Variants in TAP1 observed in about 807,000 individuals in gnomAD.
TAP1 encodes antigen peptide transporter 1.
In TAP1, 56 loss-of-function variants were observed where a neutral mutation model predicts 79.3. The ratio of observed to expected loss-of-function variants is 0.71; its 90% CI spans 0.57 to 0.88. TAP1 has a LOEUF of 0.88. TAP1 is among the 40% of genes least tolerant of loss of function. TAP1 has a pLI of 0.00. For synonymous variants in TAP1, 355 were observed against 401.4 expected, an observed-to-expected ratio of 0.88 and a Z score of 1.38; for missense variants, 737 against 936.3, an observed-to-expected ratio of 0.79 and a Z score of 2.78.
rs749861312 is a variant in TAP1, at chr6:32,847,568, T to G, written c.1848A>C (p.Ala616=). ...KPTMEEITAA[A]VKSGAHSFIS... is the part of the protein sequence containing the mutation. Reference sequence around the variant, plus strand: ...TGAAACTATGGGCCCCAGACTTTACTGCAGCAGCTGTGATTTCCTCCATAG... The same window carrying G: ...TGAAACTATGGGCCCCAGACTTTACGGCAGCAGCTGTGATTTCCTCCATAG... The change falls in exon 9 of 11, where the codon GCA becomes GCC. Residue 616 remains alanine (A), a synonymous_variant. Transcript: ENST00000354258. This position sits in a 1 kb window ranked among gnomAD's most constrained non-coding sequence, Gnocchi z 4.7. 1 of 1,614,064 alleles carries G rather than the reference T, an allele frequency of 6.2e-7. No homozygotes were observed. Among genetic ancestry groups the G allele is most frequent in the Non-Finnish European group, 8.5e-7 (1 of 1,180,024 alleles).
In TAP1 at chr6:32,851,064, C is replaced by G. The variant is rs776489452; in HGVS notation, c.930G>C (p.Leu310=). The G allele has an allele frequency of 1.9e-6, 3 of 1,612,998 alleles. No individual in the cohort carries two copies. The change falls in exon 4 of 11, where the codon CTG becomes CTC. Residue 310 remains leucine (L), a synonymous_variant. Transcript: ENST00000354258. The surrounding 1 kb of genome is among the most constrained non-coding windows in gnomAD (Gnocchi z 4.8). Reference sequence around the variant, plus strand: ...TCCCCAAGAGACATAGGCCTCGCACCAGGTACCACAGAAATAAGCTCAGAT... The same window carrying G: ...TCCCCAAGAGACATAGGCCTCGCACGAGGTACCACAGAAATAAGCTCAGAT... The part of the protein sequence containing the change: ...SENLSLFLWY[L]VRGLCLLGIM...
chr6:32,847,326 G>C lies in TAP1; in HGVS notation c.1904-122C>G. 6.6e-7 allele frequency: 1 copy of C among 1,519,140 alleles called. No individual in the cohort carries two copies. The highest frequency in any genetic ancestry group is 1.9e-5 in the Admixed American group (1 of 53,814). The allele number at this position is 1,519,140 out of a possible 1,614,324, so 94.1% of individuals were successfully genotyped here. ...CACCAAGATCTGACGGTTGTAGCTG[G>C]ATAGGGGAGATTCTGGGAAGATGAA... On this transcript the variant is annotated intron_variant, in intron 9 of 10. Transcript: ENST00000354258. The surrounding 1 kb of genome is among the most constrained non-coding windows in gnomAD (Gnocchi z 4.7).
In TAP1 at chr6:32,847,775, A is replaced by C; in HGVS notation, c.1741-100T>G. ...AATCTTTATTGAGAACATGTCACAA[A>C]ATCATACTACCTCCCTCCTGACTAC... On this transcript the variant is annotated intron_variant, in intron 8 of 10. Coordinates refer to ENST00000354258, the MANE Select transcript of TAP1 (RefSeq NM_000593.6). This position sits in a 1 kb window ranked among gnomAD's most constrained non-coding sequence, Gnocchi z 4.7. 6.4e-7 allele frequency: 1 copy of C among 1,566,818 alleles called. No individual in the cohort carries two copies. Among genetic ancestry groups the C allele is most frequent in the Non-Finnish European group, 8.8e-7 (1 of 1,139,776 alleles).
chr6:32,852,283 G>C lies in TAP1; in HGVS notation c.714-44C>G. Reference sequence around the variant, plus strand: ...AAAAGGGGATCAGGGTGTGTTCAGGGAACAGACTGAAGGTCCCAGGTATCC... The same window carrying C: ...AAAAGGGGATCAGGGTGTGTTCAGGCAACAGACTGAAGGTCCCAGGTATCC... On this transcript the variant is annotated intron_variant, in intron 2 of 10. Coordinates refer to ENST00000354258, the MANE Select transcript of TAP1 (RefSeq NM_000593.6). This position sits in a 1 kb window ranked among gnomAD's most constrained non-coding sequence, Gnocchi z 4.8. The C allele has an allele frequency of 3.1e-6, 5 of 1,612,934 alleles. No individual in the cohort carries two copies. The South Asian group carries it at 4.4e-5, about 14-fold the overall frequency.
intron 10 of TAP1, chr6:32,846,088 G>C (rs1223418286): frequency 8.3e-6 from 4 of 483,608 alleles, no homozygotes; most frequent in Non-Finnish European, 1.5e-5. Flanking sequence ...TTTTATATTC[G>C]ATTTTAAGGA....
rs765527607 is a variant in TAP1, at chr6:32,847,171, C to G, written c.1937G>C (p.Gly646Ala). 8.1e-6 allele frequency: 13 copies of G among 1,612,472 alleles called. No individual in the cohort carries two copies. Among genetic ancestry groups the G allele is most frequent in the Non-Finnish European group, 1.0e-5 (12 of 1,180,046 alleles). The change falls in exon 10 of 11, where the codon GGT (glycine) becomes GCT (alanine). Residue 646 changes from glycine (G) to alanine (A), a missense_variant. Physicochemically the swap from Gly to Ala is moderately conservative, Grantham distance 60. Coordinates refer to ENST00000354258, the MANE Select transcript of TAP1 (RefSeq NM_000593.6). This position sits in a 1 kb window ranked among gnomAD's most constrained non-coding sequence, Gnocchi z 4.7. Reference protein sequence around the residue: ...VDEAGSQLSGGQRQAVALARA... With the variant: ...VDEAGSQLSGAQRQAVALARA... Reference sequence around the variant, plus strand: ...GGCCAACGCCACTGCCTGTCGCTGACCCCCTGACAGCTGGCTCCCAGCCTC... The same window carrying G: ...GGCCAACGCCACTGCCTGTCGCTGAGCCCCTGACAGCTGGCTCCCAGCCTC...
At chr6:32,846,136 A>G (rs1469995941) in intron 10 of TAP1, 12 of 360,546 alleles carry the variant, frequency 3.3e-5, no homozygotes, top group Non-Finnish European at 5.8e-5. Context: ...CATTCAAGTC[A>G]GGCAGACCTG....
intron 10 of TAP1, among the ~76,000 whole-genome samples, chr6:32,846,681 T>A (rs1770432553): frequency 6.6e-6 from 1 of 151,846 alleles, no homozygotes; most frequent in African/African-American, 2.4e-5. Flanking sequence ...CAACCAGGCA[T>A]AGTGGTGTAC....
In TAP1 at chr6:32,850,418, C is replaced by T; in HGVS notation, c.1150G>A (p.Glu384Lys). ...MPTVRSFANE[E>K]GEAQKFREKL... is the part of the protein sequence containing the mutation. ...TCCCTAAACTTCTGGGCTTCGCCCT[C>T]CTCGTTGGCAAAGCTTCGAACTGTA... Residue 384 changes from glutamate (E) to lysine (K), a missense_variant, in exon 5 of 11, where the codon GAG becomes AAG. Around this residue, in one of 5 missense-constraint regions of TAP1, gnomAD observed 406 missense variants for 477.2 expected, o/e 0.85. Transcript: ENST00000354258. This position sits in a 1 kb window ranked among gnomAD's most constrained non-coding sequence, Gnocchi z 5.5. The T allele has an allele frequency of 6.2e-7, 1 of 1,614,268 alleles. No homozygotes were observed. Among genetic ancestry groups the T allele is most frequent in the Non-Finnish European group, 8.5e-7 (1 of 1,180,048 alleles).
chr6:32,851,928 A>T lies in TAP1; in HGVS notation c.844+181T>A, dbSNP rs199623594. ...ACAATTGTGTGTGTGTGTGTGTGAGAGAGAGAGAGAGAGAGACAGAGACAG... is the reference window on the plus strand; with the variant it reads ...ACAATTGTGTGTGTGTGTGTGTGAGTGAGAGAGAGAGAGAGACAGAGACAG... On this transcript the variant is annotated intron_variant, in intron 3 of 10. Transcript: ENST00000354258. The surrounding 1 kb of genome is among the most constrained non-coding windows in gnomAD (Gnocchi z 4.8). Among the ~76,000 whole-genome samples the T allele has an allele frequency of 2.6e-4, 34 of 131,392 alleles. No individual in the cohort carries two copies. The highest frequency in any genetic ancestry group is 4.1e-3 in the Middle Eastern group (1 of 246). The allele number at this position is 131,392 out of a possible 152,430, so 86.2% of individuals were successfully genotyped here. A position where few individuals can be genotyped will look rare whatever the true frequency, so the allele number is the denominator to read the frequency against.
At position 32,852,900 on chromosome 6, in the gene TAP1, T is replaced by C. The variant is rs1232478549; in HGVS notation, c.598+139A>G. 3.4e-6 allele frequency: 5 copies of C among 1,454,362 alleles called. No individual in the cohort carries two copies. The African/African-American group carries it at 5.7e-5, about 16-fold the overall frequency. The allele number at this position is 1,454,362 out of a possible 1,614,324, so 90.1% of individuals were successfully genotyped here. On this transcript the variant is annotated intron_variant, in intron 1 of 10. Coordinates refer to ENST00000354258, the MANE Select transcript of TAP1 (RefSeq NM_000593.6). This position sits in a 1 kb window ranked among gnomAD's most constrained non-coding sequence, Gnocchi z 4.8. ...TGCCGTTTCTTCTACACCGAAGTGG[T>C]GTTCCAAGACCCACGCTAGGAGTCC...
At chr6:32,849,262 AC>A in intron 5 of TAP1, 144 bp from the exon 6 acceptor site, 1 of 954,526 alleles carries the variant, frequency 1.0e-6, no homozygotes, top group Non-Finnish European at 1.6e-6. Context: ...AGGAGAATGA[AC>A]CAGAGACCCC....
Position 32,850,570 on chromosome 6 carries a change from A to T in TAP1, c.1051-53T>A. The T allele has an allele frequency of 6.8e-7, 1 of 1,475,738 alleles. No individual in the cohort carries two copies. The highest frequency in any genetic ancestry group is 9.4e-7 in the Non-Finnish European group (1 of 1,065,414). The allele number at this position is 1,475,738 out of a possible 1,614,324, so 91.4% of individuals were successfully genotyped here. Reference sequence around the variant, plus strand: ...CACGGGTTGGCAAACCATCAGGGACACTAATACCTGAGTTACCTATTTGGA... The same window carrying T: ...CACGGGTTGGCAAACCATCAGGGACTCTAATACCTGAGTTACCTATTTGGA... On this transcript the variant is annotated intron_variant, in intron 4 of 10. Coordinates refer to ENST00000354258, the MANE Select transcript of TAP1 (RefSeq NM_000593.6). This position sits in a 1 kb window ranked among gnomAD's most constrained non-coding sequence, Gnocchi z 5.5.
intron 7 of TAP1, 57 bp downstream of exon 7, chr6:32,848,595 T>C: frequency 6.3e-7 from 1 of 1,593,280 alleles, no homozygotes; most frequent in Non-Finnish European, 8.6e-7. Flanking sequence ...GGAAGAAAAT[T>C]TAGGATGGCA....
Position 32,848,997 on chromosome 6 carries a change from G to T in TAP1, c.1370C>A (p.Ala457Asp). The T allele has an allele frequency of 6.2e-7, 1 of 1,612,324 alleles. No homozygotes were observed. The highest frequency in any genetic ancestry group is 8.5e-7 in the Non-Finnish European group (1 of 1,179,456). The change falls in exon 6 of 11, where the codon GCT becomes GAT. Residue 457 changes from alanine to aspartate, a missense_variant. Physicochemically the swap from Ala to Asp is moderately radical, Grantham distance 126 (BLOSUM62 -2). This residue lies in a region of TAP1 where 14 missense variants were observed against 42.0 expected (regional missense o/e 0.33). Transcript: ENST00000354258. ...FVLYQMQFTQ[A>D]VEVLLSIYPR... ...AAGGTGGAGGGACCTCACCTCCACA[G>T]CCTGGGTGAACTGCATCTGGTAGAG...
Position 32,852,854 on chromosome 6 carries a change from C to T in TAP1, c.598+185G>A. On this transcript the variant is annotated intron_variant, in intron 1 of 10. Coordinates refer to ENST00000354258, the MANE Select transcript of TAP1 (RefSeq NM_000593.6). The surrounding 1 kb of genome is among the most constrained non-coding windows in gnomAD (Gnocchi z 4.8). ...CCCGGTCAGCAATGGAGCCCAGAACCTCTGGCCCCCGCCAGTCCAGTGCCG... is the reference window on the plus strand; with the variant it reads ...CCCGGTCAGCAATGGAGCCCAGAACTTCTGGCCCCCGCCAGTCCAGTGCCG... 2.1e-6 allele frequency: 3 copies of T among 1,440,034 alleles called. No homozygotes were observed. The highest frequency in any genetic ancestry group is 1.4e-5 in the African/African-American group (1 of 69,888). The allele number at this position is 1,440,034 out of a possible 1,614,324, so 89.2% of individuals were successfully genotyped here. A position where few individuals can be genotyped will look rare whatever the true frequency, so the allele number is the denominator to read the frequency against.
chr6:32,851,174 G>A lies in TAP1; in HGVS notation c.845-25C>T. ...CCTGCAGGGTTGGGGAGAAGAGAGT[G>A]AGGTGAATCAGACAGGTTCCAAGTG... On this transcript the variant is annotated intron_variant, in intron 3 of 10. Coordinates refer to ENST00000354258, the MANE Select transcript of TAP1 (RefSeq NM_000593.6). This position sits in a 1 kb window ranked among gnomAD's most constrained non-coding sequence, Gnocchi z 4.8. 6.2e-7 allele frequency: 1 copy of A among 1,609,378 alleles called. No homozygotes were observed. Among genetic ancestry groups the A allele is most frequent in the South Asian group, 1.1e-5 (1 of 90,840 alleles).
At position 32,847,404 on chromosome 6, in the gene TAP1, C is replaced by T. The variant is rs1770499760; in HGVS notation, c.1903+109G>A. 1.3e-6 allele frequency: 2 copies of T among 1,558,138 alleles called. No individual in the cohort carries two copies. Among genetic ancestry groups the T allele is most frequent in the African/African-American group, 1.4e-5 (1 of 73,608 alleles). The stretch of plus-strand genomic sequence containing the variant: ...AAGCCATAGGAGCATGATCTTACAA[C>T]TTCAAATTGATGTCCATGAGTAAGG... On this transcript the variant is annotated intron_variant, in intron 9 of 10. Coordinates refer to ENST00000354258, the MANE Select transcript of TAP1 (RefSeq NM_000593.6). The surrounding 1 kb of genome is among the most constrained non-coding windows in gnomAD (Gnocchi z 4.7).
chr6:32,847,412 T>C lies in TAP1; in HGVS notation c.1903+101A>G. Reference sequence around the variant, plus strand: ...GGAGCATGATCTTACAACTTCAAATTGATGTCCATGAGTAAGGAGGAACTG... The same window carrying C: ...GGAGCATGATCTTACAACTTCAAATCGATGTCCATGAGTAAGGAGGAACTG... On this transcript the variant is annotated intron_variant, in intron 9 of 10. Coordinates refer to ENST00000354258, the MANE Select transcript of TAP1 (RefSeq NM_000593.6). The surrounding 1 kb of genome is among the most constrained non-coding windows in gnomAD (Gnocchi z 4.7). 1 of 1,561,470 alleles carries C rather than the reference T, an allele frequency of 6.4e-7. No homozygotes were observed. The highest frequency in any genetic ancestry group is 8.8e-7 in the Non-Finnish European group (1 of 1,134,186).
Sources: allele counts gnomAD v4.1 joint callset (sites outside exome capture counted in the v4.1 genomes callset), GRCh38; gene constraint gnomAD v4.1.1; regional missense constraint gnomAD v4.1.1; non-coding constraint Gnocchi (gnomAD v3.1); transcripts MANE v1.5; gene names NCBI Gene and HGNC (gene_info 2026-07-23, HGNC 2026-07-21).